CDK13: variants seen among roughly 807,000 people sequenced by gnomAD.
CDK13 encodes cyclin dependent kinase 13.
CDK13 carries 40 observed loss-of-function variants against 137.6 expected under a neutral mutation model. The observed-to-expected ratio is 0.29, with a 90% confidence interval of 0.23 to 0.38. CDK13 has a LOEUF of 0.38. CDK13 is among the 10% of genes least tolerant of loss of function. The probability of loss-of-function intolerance (pLI) is 1.00; values close to 1 mark genes in which losing one functional copy is unlikely to be tolerated. For synonymous variants in CDK13, 869 were observed against 760.1 expected (o/e 1.14, Z -2.36); for missense variants, 1,704 against 1,951.8 (o/e 0.87, Z 2.39).
chr7:40,080,968 C>T (rs1450811652), intron 11 of CDK13, among the ~76,000 whole-genome samples: 1 of 148,812 alleles, frequency 6.7e-6, no homozygotes, highest in Non-Finnish European at 1.5e-5. Context: ...ATTCAGATTT[C>T]CCCAGTTGAC....
Position 40,094,177 on chromosome 7 carries a change from A to G in CDK13, c.3736A>G (p.Thr1246Ala), listed in dbSNP as rs1347306223. The G allele has an allele frequency of 6.2e-6, 10 of 1,613,874 alleles. No homozygotes were observed. Among genetic ancestry groups the G allele is most frequent in the Admixed American group, 5.0e-5 (3 of 59,990 alleles). The change falls in exon 14 of 14, where the codon ACG becomes GCG. Residue 1246 changes from threonine (T) to alanine (A), a missense_variant. Coordinates refer to ENST00000181839, the MANE Select transcript of CDK13 (RefSeq NM_003718.5). ...TCAAGATATGAGGATCTTGGAGCTA[A>G]CGCCAGAACCAGACCGGCCTCGAAT... ...QHQDMRILEL[T>A]PEPDRPRILP...
intron 7 of CDK13, among the ~76,000 whole-genome samples, chr7:40,059,765 T>C (rs557841756): frequency 4.7e-4 from 71 of 152,350 alleles, no homozygotes; most frequent in Admixed American, 7.8e-4. Context: ...TTTTAGAGTG[T>C]GGTACTTTTT....
chr7:39,998,174 AAT>A (rs1784602798), intron 3 of CDK13: 1 of 151,454 alleles, frequency 6.6e-6, no homozygotes, highest in Non-Finnish European at 1.5e-5. Context: ...AAAACCTGTT[AAT>A]CAGTTAAAGG....
rs1279182463 is a variant in CDK13 at position 39,951,535 on chromosome 7, G to A, written c.894G>A (p.Lys298=). Residue 298 remains lysine, a synonymous_variant, in exon 1 of 14, where the codon AAG becomes AAA. Coordinates refer to ENST00000181839, the MANE Select transcript of CDK13 (RefSeq NM_003718.5). ...CTTCGGCCTACAAGGAACCGCCCAA[G>A]GCCTACCGGGAGGACAAGACCGAGC... The part of the protein sequence containing the change: ...EPPSAYKEPP[K]AYREDKTEPK... 5 of 1,536,394 alleles carry A rather than the reference G, an allele frequency of 3.3e-6. No homozygotes were observed. Among genetic ancestry groups the A allele is most frequent in the Non-Finnish European group, 4.4e-6 (5 of 1,143,828 alleles).
chr7:40,049,092 G>A (rs1562748923), intron 7 of CDK13: 1 of 145,340 alleles, frequency 6.9e-6, no homozygotes, highest in Non-Finnish European at 1.5e-5. Context: ...CTACTTGGGA[G>A]GCTGAGGCAC....
intron 5 of CDK13, among the ~76,000 whole-genome samples, chr7:40,038,939 C>T (rs2150510386): frequency 6.6e-6 from 1 of 152,256 alleles, no homozygotes; most frequent in South Asian, 2.1e-4. Flanking sequence ...AGGTGATCTG[C>T]CCACCTCAGC....
At chr7:40,043,898 A>ATTTT (rs3045302) in intron 5 of CDK13, among the ~76,000 whole-genome samples, 6 of 137,726 alleles carry the variant, frequency 4.4e-5, no homozygotes, top group South Asian at 2.3e-4. Flanking sequence ...ATTTTGTATA[A>ATTTT]TTTTTTTTTT....
At chr7:40,093,944 A>T (rs811320) in intron 13 of CDK13, among the ~76,000 whole-genome samples, 186 bp from the exon 14 acceptor site, 1 of 150,972 alleles carries the variant, frequency 6.6e-6, no homozygotes, top group Admixed American at 6.6e-5. Flanking sequence ...TTTAAAGAGA[A>T]GCCATATACA....
intron 4 of CDK13, 26 bp from the exon 5 acceptor site, chr7:40,001,835 C>T (rs762303779): frequency 2.7e-6 from 4 of 1,454,714 alleles, no homozygotes; most frequent in African/African-American, 2.8e-5. Flanking sequence ...TAACTGGTAA[C>T]CTGATTTTAT....
At chr7:40,067,565 C>T (rs1482100627) in intron 9 of CDK13, 1 of 152,024 alleles carries the variant, frequency 6.6e-6, no homozygotes, top group Non-Finnish European at 1.5e-5. Flanking sequence ...AAATAAACTA[C>T]ATAGGAAATA....
At chr7:39,965,957 C>A (rs1217616066) in intron 1 of CDK13, among the ~76,000 whole-genome samples, 1 of 152,216 alleles carries the variant, frequency 6.6e-6, no homozygotes, top group Non-Finnish European at 1.5e-5. Flanking sequence ...CCACTCTCTT[C>A]TGGCTTGTAG....
chr7:39,960,492 C>T (rs759319294), intron 1 of CDK13, among the ~76,000 whole-genome samples: 16 of 152,034 alleles, frequency 1.1e-4, no homozygotes, highest in South Asian at 6.2e-4. Flanking sequence ...CTCCTGACCT[C>T]GTGATCCGCC....
intron 9 of CDK13, chr7:40,070,875 G>T (rs1465164259): frequency 2.0e-5 from 3 of 152,148 alleles, no homozygotes; most frequent in African/African-American, 4.8e-5. Flanking sequence ...CCTTCTAGCA[G>T]TCAGCTGAAG....
intron 9 of CDK13, among the ~76,000 whole-genome samples, chr7:40,063,562 C>T (rs761294430): frequency 5.9e-5 from 9 of 152,216 alleles, no homozygotes; most frequent in East Asian, 1.9e-4. Context: ...TACCCCCTAG[C>T]GTAGACCTTC....
chr7:39,996,959 CTCA>C (rs1201595427), intron 2 of CDK13, among the ~76,000 whole-genome samples: 1 of 24,124 alleles, frequency 4.1e-5, no homozygotes, highest in Non-Finnish European at 6.3e-5. Context: ...GAGATTCCAT[CTCA>C]AAAAAAAAAA....
rs55838651 is a variant in CDK13 at position 40,001,958 on chromosome 7, C to A, written c.2280C>A (p.Thr760=). 15 of 1,609,822 alleles carry A rather than the reference C, an allele frequency of 9.3e-6. No individual in the cohort carries two copies. In the African/African-American group the frequency reaches 1.1e-4, roughly 11 times the overall value. Residue 760 remains threonine (T), a synonymous_variant, in exon 5 of 14, where the codon ACC becomes ACA. Coordinates refer to ENST00000181839, the MANE Select transcript of CDK13 (RefSeq NM_003718.5). The stretch of plus-strand genomic sequence containing the variant: ...AAATTAAAATTCTCCGGCAGCTTAC[C>A]CATCAGAGTATTATCAATATGAAGG... ...IREIKILRQL[T]HQSIINMKEI...
In CDK13 at chr7:39,951,348, G is replaced by T. The variant is rs945773716; in HGVS notation, c.707G>T (p.Ser236Ile). The change falls in exon 1 of 14, where the codon AGC becomes ATC. Residue 236 changes from serine (S) to isoleucine (I), a missense_variant. Around this residue, in one of 5 missense-constraint regions of CDK13, gnomAD observed 1,051 missense variants for 931.0 expected, o/e 1.13. Coordinates refer to ENST00000181839, the MANE Select transcript of CDK13 (RefSeq NM_003718.5). ...GCCTCCAAGTCCCGCAGCCGCCACA[G>T]CCACAGCGGCGAGGAACGGGCCGAG... ...SEASKSRSRH[S>I]HSGEERAEVA... The T allele has an allele frequency of 6.8e-7, 1 of 1,480,576 alleles. No individual in the cohort carries two copies. The highest frequency in any genetic ancestry group is 8.9e-7 in the Non-Finnish European group (1 of 1,123,232). The allele number at this position is 1,480,576 out of a possible 1,614,324, so 91.7% of individuals were successfully genotyped here. A position where few individuals can be genotyped will look rare whatever the true frequency, so the allele number is the denominator to read the frequency against.
intron 5 of CDK13, among the ~76,000 whole-genome samples, chr7:40,007,945 T>C (rs1784826562): frequency 6.6e-6 from 1 of 152,174 alleles, no homozygotes; most frequent in Non-Finnish European, 1.5e-5. Context: ...ATAGGTATAG[T>C]GGAGGGCATT....
Position 40,094,273 on chromosome 7 carries a change from C to T in CDK13, c.3832C>T (p.Arg1278Trp), listed in dbSNP as rs556687546. Reference protein sequence around the residue: ...PPVTEEDLDYRTENQHVPTTS... With the variant: ...PPVTEEDLDYWTENQHVPTTS... ...AGTCACTGAGGAAGATCTAGATTAT[C>T]GGACAGAAAACCAGCATGTACCCAC... Residue 1278 changes from arginine to tryptophan, a missense_variant, in exon 14 of 14, where the codon CGG becomes TGG. Physicochemically the swap from Arg to Trp is moderately radical, Grantham distance 101. This residue lies in a region of CDK13 where 475 missense variants were observed against 579.3 expected (regional missense o/e 0.82). Coordinates refer to ENST00000181839, the MANE Select transcript of CDK13 (RefSeq NM_003718.5). 1.2e-5 allele frequency: 19 copies of T among 1,612,292 alleles called. No individual in the cohort carries two copies. The highest frequency in any genetic ancestry group is 3.3e-5 in the Admixed American group (2 of 59,764).
Sources: gnomAD v4.1 joint callset for allele counts (sites outside exome capture counted in the v4.1 genomes callset) on GRCh38, gnomAD v4.1.1 for gene constraint, gnomAD v4.1.1 regional missense constraint, MANE v1.5 for transcripts, NCBI Gene and HGNC (gene_info 2026-07-23, HGNC 2026-07-21) for gene names.